The following PPARGC1A variants were observed in gnomAD, a reference collection of about 807,000 sequenced individuals.
The protein encoded by PPARGC1A is peroxisome proliferator-activated receptor gamma coactivator 1-alpha.
In PPARGC1A, 25 loss-of-function variants were observed where a neutral mutation model predicts 88.7. The ratio of observed to expected loss-of-function variants is 0.28; its 90% CI spans 0.21 to 0.39. The LOEUF (loss-of-function observed/expected upper bound fraction) is 0.39, where lower values mean the gene tolerates loss of function less well. PPARGC1A is among the 10% of genes least tolerant of loss of function. PPARGC1A has a pLI of 1.00. For missense variants in PPARGC1A, 880 were observed against 968.7 expected, an observed-to-expected ratio of 0.91 and a Z score of 1.22; for synonymous variants, 363 against 355.6, an observed-to-expected ratio of 1.02 and a Z score of -0.24.
chr4:24,102,637 T>C, the PPARGC1A span, among the ~76,000 whole-genome samples: 2 of 152,220 alleles, frequency 1.3e-5, no homozygotes, highest in Non-Finnish European at 1.5e-5. Flanking sequence ...TTGTATTTCT[T>C]GGACTTGGGC....
At chr4:24,260,460 T>C in the PPARGC1A span, among the ~76,000 whole-genome samples, 1 of 152,354 alleles carries the variant, frequency 6.6e-6, no homozygotes, top group Admixed American at 6.5e-5. Context: ...GTCAGAATTT[T>C]TTCCCCGAGC....
chr4:24,441,808 ACT>A, the PPARGC1A span, among the ~76,000 whole-genome samples: 2 of 152,088 alleles, frequency 1.3e-5, no homozygotes, highest in African/African-American at 4.8e-5. Context: ...GGAGGCAGAA[ACT>A]CTGAGCTCTC....
At chr4:24,449,396 T>C in the PPARGC1A span, among the ~76,000 whole-genome samples, 1 of 152,376 alleles carries the variant, frequency 6.6e-6, no homozygotes, top group Admixed American at 6.5e-5. Context: ...CTGTTGCTGA[T>C]CATTGTCTAT....
chr4:23,820,219 C>A (rs150604007), intron 7 of PPARGC1A, among the ~76,000 whole-genome samples: 5 of 151,858 alleles, frequency 3.3e-5, no homozygotes, highest in African/African-American at 1.2e-4. Context: ...ATCACATGTC[C>A]CCTCTGATGA....
chr4:24,122,521 A>G, the PPARGC1A span, among the ~76,000 whole-genome samples: 1 of 151,166 alleles, frequency 6.6e-6, no homozygotes, highest in African/African-American at 2.4e-5. Context: ...GCTACACTTT[A>G]TTTTAACTCA....
chr4:24,300,256 C>T, the PPARGC1A span, among the ~76,000 whole-genome samples: 12 of 142,626 alleles, frequency 8.4e-5, no homozygotes, highest in African/African-American at 1.5e-4. Context: ...TCAGGCAAAA[C>T]GAATTTACTA....
chr4:24,282,552 T>C, the PPARGC1A span, among the ~76,000 whole-genome samples: 1 of 152,238 alleles, frequency 6.6e-6, no homozygotes, highest in South Asian at 2.1e-4. Context: ...GGACTTTATC[T>C]GTATGGTTAA....
the PPARGC1A span, among the ~76,000 whole-genome samples, chr4:24,320,505 T>G: frequency 1.3e-5 from 2 of 152,212 alleles, no homozygotes; most frequent in Non-Finnish European, 2.9e-5. Flanking sequence ...AGCAATGCAT[T>G]TAAAATGAAG....
chr4:24,265,354 A>G, the PPARGC1A span, among the ~76,000 whole-genome samples: 1 of 152,106 alleles, frequency 6.6e-6, no homozygotes, highest in Non-Finnish European at 1.5e-5. Context: ...CATTTGGGGG[A>G]AATGTCGGCA....
chr4:24,241,707 A>C, the PPARGC1A span, among the ~76,000 whole-genome samples: 2 of 152,200 alleles, frequency 1.3e-5, no homozygotes, highest in Non-Finnish European at 2.9e-5. Context: ...ATAAGCAAAA[A>C]TTTCAGGCCT....
chr4:24,340,891 G>A, the PPARGC1A span, among the ~76,000 whole-genome samples: 1 of 152,098 alleles, frequency 6.6e-6, no homozygotes, highest in Non-Finnish European at 1.5e-5. Flanking sequence ...AGCCAATGGG[G>A]AACAGTGGTT....
intron 1 of PPARGC1A, chr4:23,888,842 G>T (rs971555483): frequency 1.4e-6 from 1 of 711,924 alleles, no homozygotes; most frequent in Non-Finnish European, 1.7e-6. Flanking sequence ...CTTACCCTAC[G>T]TGCCCCCAGC....
chr4:23,876,219 C>T (rs781109469), intron 2 of PPARGC1A, among the ~76,000 whole-genome samples: 21 of 152,300 alleles, frequency 1.4e-4, no homozygotes, highest in Non-Finnish European at 2.6e-4. Context: ...TAATTCCCTA[C>T]AAAGTACACT....
At chr4:24,462,792 A>G in the PPARGC1A span, among the ~76,000 whole-genome samples, 1 of 151,108 alleles carries the variant, frequency 6.6e-6, no homozygotes, top group Non-Finnish European at 1.5e-5. Context: ...TAGGAACTCC[A>G]TAAATATTTG....
chr4:24,249,972 A>T, the PPARGC1A span, among the ~76,000 whole-genome samples: 402 of 152,362 alleles, frequency 2.6e-3, no homozygotes, highest in Middle Eastern at 0.01. Flanking sequence ...AACGGGCAGA[A>T]GTTCATTTAT....
At chr4:23,866,341 G>T (rs1387939337) in intron 2 of PPARGC1A, 1 of 152,134 alleles carries the variant, frequency 6.6e-6, no homozygotes, top group African/African-American at 2.4e-5. Flanking sequence ...TTTACTGAAG[G>T]TAATGGAGTA....
At chr4:24,183,001 A>G in the PPARGC1A span, among the ~76,000 whole-genome samples, 9 of 152,172 alleles carry the variant, frequency 5.9e-5, no homozygotes, top group Admixed American at 2.6e-4. Flanking sequence ...TAAACACGCA[A>G]AGGAATAACA....
the PPARGC1A span, among the ~76,000 whole-genome samples, chr4:24,320,759 T>C: frequency 6.6e-6 from 1 of 152,170 alleles, no homozygotes; most frequent in Admixed American, 6.5e-5. Flanking sequence ...TAGGAGACCC[T>C]CTTACAGATT....
intron 10 of PPARGC1A, among the ~76,000 whole-genome samples, chr4:23,811,634 G>T (rs569530795): frequency 2.6e-5 from 4 of 152,106 alleles, no homozygotes; most frequent in Non-Finnish European, 5.9e-5. Context: ...GATAAACAGC[G>T]GTAGGGAGTT....
Sources: gnomAD v4.1 joint callset for allele counts (sites outside exome capture counted in the v4.1 genomes callset) on GRCh38, gnomAD v4.1.1 for gene constraint, MANE v1.5 for transcripts, NCBI Gene and HGNC (gene_info 2026-07-23, HGNC 2026-07-21) for gene names.